PTH2R: variants seen among roughly 807,000 people sequenced by gnomAD.
PTH2R encodes parathyroid hormone 2 receptor.
Under a neutral mutation model 60.3 loss-of-function variants are expected in PTH2R, and 59 were observed. The observed-to-expected ratio is 0.98, with a 90% CI of 0.79 to 1.22. The LOEUF (loss-of-function observed/expected upper bound fraction) is 1.22. Among genes scored for constraint, PTH2R ranks in the 50% most tolerant of loss-of-function variants. The probability of loss-of-function intolerance (pLI) is 0.00; values close to 1 mark genes in which losing one functional copy is unlikely to be tolerated. For missense variants in PTH2R, 749 were observed against 682.6 expected (o/e 1.10, Z -1.08); for synonymous variants, 256 against 243.8 (o/e 1.05, Z -0.47).
intron 11 of PTH2R, among the ~76,000 whole-genome samples, chr2:208,490,286 T>C (rs984636783): frequency 6.6e-6 from 1 of 152,146 alleles, no homozygotes; most frequent in Admixed American, 6.5e-5. Context: ...TACTTTATGT[T>C]TGTAGTTTTC....
At chr2:208,365,099 T>A (rs1700552159) in intron 1 of PTH2R, among the ~76,000 whole-genome samples, 1 of 151,886 alleles carries the variant, frequency 6.6e-6, no homozygotes, top group Admixed American at 6.6e-5. Context: ...GCATATAAGA[T>A]CATGCCATCT....
intron 2 of PTH2R, among the ~76,000 whole-genome samples, chr2:208,431,600 A>C: frequency 6.6e-6 from 1 of 152,214 alleles, no homozygotes; most frequent in East Asian, 1.9e-4. Context: ...TTTCCCCTCC[A>C]CTGTTTTCTA....
intron 1 of PTH2R, among the ~76,000 whole-genome samples, chr2:208,374,896 A>G (rs1327718712): frequency 6.6e-6 from 1 of 152,122 alleles, no homozygotes; most frequent in Non-Finnish European, 1.5e-5. Context: ...ATTCTTGGCT[A>G]GATCCGGTGC....
At chr2:208,459,437 A>C (rs1702586649) in intron 8 of PTH2R, among the ~76,000 whole-genome samples, 1 of 152,182 alleles carries the variant, frequency 6.6e-6, no homozygotes, top group Non-Finnish European at 1.5e-5. Context: ...CATTTCTATG[A>C]ATAAGAATAA....
At position 208,493,919 on chromosome 2, in the gene PTH2R, C is replaced by A; in HGVS notation, c.*260C>A. 3.7e-6 allele frequency: 1 copy of A among 273,486 alleles called. No homozygotes were observed. Among genetic ancestry groups the A allele is most frequent in the Non-Finnish European group, 6.6e-6 (1 of 150,534 alleles). 16.9% of individuals were successfully genotyped at this position (273,486 alleles called of 1,614,324 possible). A position where few individuals can be genotyped will look rare whatever the true frequency, so the allele number is the denominator to read the frequency against. On this transcript the variant is annotated 3_prime_UTR_variant, in exon 13 of 13. Transcript: ENST00000272847. ...GTATGGTATTTGCTCTGTGATTGTT[C>A]ATTTTTTTCTGCTACTTTTGGGTAG...
chr2:208,362,202 T>C (rs1398946940), intron 1 of PTH2R, among the ~76,000 whole-genome samples: 1 of 152,206 alleles, frequency 6.6e-6, no homozygotes, highest in African/African-American at 2.4e-5. Context: ...TCACTGTATG[T>C]TTCCCTGATT....
At chr2:208,488,126 G>C (rs1233924206) in intron 10 of PTH2R, among the ~76,000 whole-genome samples, 1 of 152,126 alleles carries the variant, frequency 6.6e-6, no homozygotes, top group East Asian at 1.9e-4. Context: ...AAAACTTGTA[G>C]AAAGAGGCAG....
intron 1 of PTH2R, 110 bp from the exon 2 acceptor site, chr2:208,428,091 G>T: frequency 1.3e-6 from 1 of 746,136 alleles, no homozygotes; most frequent in Non-Finnish European, 2.2e-6. Flanking sequence ...ATTTCAAATA[G>T]CTTGATATCA....
At chr2:208,390,685 T>G (rs1001742528) in intron 1 of PTH2R, among the ~76,000 whole-genome samples, 1 of 152,174 alleles carries the variant, frequency 6.6e-6, no homozygotes, top group African/African-American at 2.4e-5. Flanking sequence ...ATTCTCTGTC[T>G]GATTTTCCAC....
chr2:208,451,046 A>C (rs967036669), intron 8 of PTH2R, among the ~76,000 whole-genome samples: 1 of 152,144 alleles, frequency 6.6e-6, no homozygotes, highest in African/African-American at 2.4e-5. Context: ...TCCATAGATT[A>C]AGAAACAAAT....
In PTH2R at chr2:208,437,647, G is replaced by A. The variant is rs777350911; in HGVS notation, c.289G>A (p.Gly97Arg). The A allele has an allele frequency of 1.2e-6, 2 of 1,608,286 alleles. No individual in the cohort carries two copies. Among genetic ancestry groups the A allele is most frequent in the African/African-American group, 1.3e-5 (1 of 74,654 alleles). The change falls in exon 3 of 13, where the codon GGA becomes AGA. Residue 97 changes from glycine (G) to arginine (R), a missense_variant and splice_region_variant. Gly to Arg is a moderately radical substitution (Grantham distance 125). Transcript: ENST00000272847. ...PPYIYDFNHKGVAFRHCNPNG... is the reference protein window; with the variant it reads ...PPYIYDFNHKRVAFRHCNPNG... ...TTATATTTATGACTTCAACCATAAA[G>A]GTATTGAATTTTTCTAAAATGATTA...
At chr2:208,411,017 G>A (rs1034272961) in intron 1 of PTH2R, among the ~76,000 whole-genome samples, 9 of 152,188 alleles carry the variant, frequency 5.9e-5, no homozygotes, top group East Asian at 1.9e-4. Flanking sequence ...AGGCCAAGGC[G>A]GGCAGATCAC....
intron 7 of PTH2R, among the ~76,000 whole-genome samples, chr2:208,450,410 C>T (rs1423849367): frequency 2.6e-5 from 4 of 152,118 alleles, no homozygotes; most frequent in Non-Finnish European, 5.9e-5. Flanking sequence ...TGATGGTCAG[C>T]GTGACAAGAG....
At position 208,408,534 on chromosome 2, in the gene PTH2R, G is replaced by GA. The variant is rs56382757; in HGVS notation, c.75+1426dup. On this transcript the variant is annotated intron_variant, in intron 1 of 12. Coordinates refer to ENST00000272847, the MANE Select transcript of PTH2R (RefSeq NM_005048.4). ...GGGGAGGTATTATTTAGTACAATAA[G>GA]AAAAAAAAAAGGCTTGGTGTGGTGG... Among the ~76,000 whole-genome samples the GA allele has an allele frequency of 9.2e-3, 1,359 of 147,162 alleles. 14 individuals carry two copies. Among genetic ancestry groups the GA allele is most frequent in the South Asian group, 0.016 (74 of 4,644 alleles).
chr2:208,465,353 A>C (rs1268689969), intron 9 of PTH2R, among the ~76,000 whole-genome samples: 2 of 117,604 alleles, frequency 1.7e-5, no homozygotes, highest in Non-Finnish European at 3.4e-5. Context: ...AGTGATGATG[A>C]TCACTTTTCA....
intron 1 of PTH2R, among the ~76,000 whole-genome samples, chr2:208,400,007 C>T (rs1157434330): frequency 6.6e-6 from 1 of 152,154 alleles, no homozygotes; most frequent in Non-Finnish European, 1.5e-5. Context: ...GGCCTTACCC[C>T]TTCATTAATA....
intron 1 of PTH2R, among the ~76,000 whole-genome samples, chr2:208,383,206 T>A (rs898451973): frequency 3.3e-5 from 5 of 152,264 alleles, no homozygotes; most frequent in Admixed American, 1.3e-4. Context: ...TCTTTCTTTT[T>A]AAATGTAACT....
chr2:208,457,941 A>G (rs1688867907), intron 8 of PTH2R, among the ~76,000 whole-genome samples: 1 of 152,170 alleles, frequency 6.6e-6, no homozygotes, highest in African/African-American at 2.4e-5. Context: ...GAATTAAAAA[A>G]CTATCATTAT....
At chr2:208,490,535 G>T in intron 11 of PTH2R, 104 bp from the exon 12 acceptor site, 1 of 968,764 alleles carries the variant, frequency 1.0e-6, no homozygotes, top group South Asian at 1.6e-5. Flanking sequence ...TTCTCTGAAG[G>T]AATCATAAAA....
Sources: gnomAD v4.1 joint callset for allele counts (sites outside exome capture counted in the v4.1 genomes callset) on GRCh38, gnomAD v4.1.1 for gene constraint, MANE v1.5 for transcripts, NCBI Gene and HGNC (gene_info 2026-07-23, HGNC 2026-07-21) for gene names.